Variants in KYAT1 observed in about 807,000 individuals in gnomAD.
KYAT1 encodes the protein kynurenine--oxoglutarate transaminase 1.
Under a neutral mutation model 52.4 loss-of-function variants are expected in KYAT1, and 47 were observed. That is an observed-to-expected ratio of 0.90 (90% CI 0.71 to 1.14). KYAT1 has a LOEUF of 1.14. Ranked by LOEUF, KYAT1 falls within the 50% of genes most tolerant of loss-of-function variation. The pLI, the probability that KYAT1 is intolerant of heterozygous loss-of-function variation, is 0.00. For synonymous variants in KYAT1, 212 were observed against 209.6 expected, an observed-to-expected ratio of 1.01 and a Z score of -0.10; for missense variants, 480 against 557.9, an observed-to-expected ratio of 0.86 and a Z score of 1.41.
intron 1 of KYAT1, among the ~76,000 whole-genome samples, chr9:128,880,732 G>A (rs1838723770): frequency 6.6e-6 from 1 of 151,882 alleles, no homozygotes; most frequent in South Asian, 2.1e-4. Context: ...GTGAACCACC[G>A]CGCCCGGCCC....
chr9:128,841,468 C>G (rs540105099), intron 3 of KYAT1, among the ~76,000 whole-genome samples: 1 of 151,754 alleles, frequency 6.6e-6, no homozygotes, highest in African/African-American at 2.4e-5. Context: ...TTGCAGTGAG[C>G]CGAGATCGTG....
intron 5 of KYAT1, 25 bp from the exon 6 acceptor site, chr9:128,837,838 G>C: frequency 6.2e-7 from 1 of 1,613,046 alleles, no homozygotes; most frequent in Non-Finnish European, 8.5e-7. Flanking sequence ...GGCATGGGGT[G>C]GTACCACTTA....
intron 2 of KYAT1, among the ~76,000 whole-genome samples, chr9:128,843,906 G>A (rs558263844): frequency 6.6e-6 from 1 of 152,354 alleles, no homozygotes; most frequent in Non-Finnish European, 1.5e-5. Flanking sequence ...TGGCCTGTGA[G>A]GCACATCTTG....
intron 1 of KYAT1, among the ~76,000 whole-genome samples, chr9:128,881,108 T>C (rs1838805526): frequency 6.6e-6 from 1 of 152,052 alleles, no homozygotes; most frequent in South Asian, 2.1e-4. Context: ...TTAGACGGAG[T>C]CTCGCTCTGT....
rs758524647 is a variant in KYAT1 at position 128,833,667 on chromosome 9, A to G, written c.1210-24T>C. 2.5e-6 allele frequency: 4 copies of G among 1,614,006 alleles called. No individual in the cohort carries two copies. In the Admixed American group the frequency reaches 6.7e-5, roughly 27 times the overall value. On this transcript the variant is annotated intron_variant, in intron 12 of 12. Coordinates refer to ENST00000302586, the MANE Select transcript of KYAT1 (RefSeq NM_004059.5). ...TCCTGCGCCAGCACAGATTAGTCCT[A>G]CACTCTCCCCATGTGCCCAGCCGGC...
intron 3 of KYAT1, 24 bp from the exon 4 acceptor site, chr9:128,838,391 T>C: frequency 6.2e-7 from 1 of 1,613,806 alleles, no homozygotes; most frequent in Non-Finnish European, 8.5e-7. Flanking sequence ...AGGGGTTAAC[T>C]GTCCAGCTCA....
At chr9:128,880,690 C>T (rs1037040649) in intron 1 of KYAT1, among the ~76,000 whole-genome samples, 1 of 152,142 alleles carries the variant, frequency 6.6e-6, no homozygotes, top group Non-Finnish European at 1.5e-5. Context: ...GATCCGCCCG[C>T]CTCAGCCTCC....
chr9:128,847,631 C>T, intron 1 of KYAT1: 1 of 625,640 alleles, frequency 1.6e-6, no homozygotes, highest in South Asian at 1.9e-5. Context: ...ACTTGGGTCC[C>T]CCACACACAG....
At chr9:128,847,918 A>G (rs1833370981) in intron 1 of KYAT1, among the ~76,000 whole-genome samples, 1 of 152,152 alleles carries the variant, frequency 6.6e-6, no homozygotes, top group Non-Finnish European at 1.5e-5. Context: ...CACATACACC[A>G]CCTGCAAATT....
intron 3 of KYAT1, 32 bp downstream of exon 3, chr9:128,842,622 C>T: frequency 6.2e-7 from 1 of 1,604,760 alleles, no homozygotes; most frequent in Non-Finnish European, 8.5e-7. Flanking sequence ...CCTTCCTCCC[C>T]CAGTGCCTCC....
chr9:128,882,497 T>G (rs1260176817), upstream of KYAT1: 1 of 387,148 alleles, frequency 2.6e-6, no homozygotes, highest in Non-Finnish European at 4.6e-6. Context: ...CCCCTGTGCC[T>G]CCTTGTGCTT....
chr9:128,848,559 T>C (rs1348438695), intron 1 of KYAT1, among the ~76,000 whole-genome samples: 1 of 152,148 alleles, frequency 6.6e-6, no homozygotes, highest in African/African-American at 2.4e-5. Flanking sequence ...GGCTCACGCC[T>C]GTAATCCCAG....
chr9:128,835,341 C>T lies in KYAT1; in HGVS notation c.1104G>A (p.Lys368=), dbSNP rs775199075. 5 of 1,613,894 alleles carry T rather than the reference C, an allele frequency of 3.1e-6. No individual in the cohort carries two copies. The highest frequency in any genetic ancestry group is 8.5e-7 in the Non-Finnish European group (1 of 1,179,932). Residue 368 remains lysine (K), a synonymous_variant, in exon 11 of 13, where the codon AAG becomes AAA. Transcript: ENST00000302586. ...VDEPYDRRFV[K]WMIKNKGLVA... is the part of the protein sequence containing the mutation. ...AGCCCACCTTGTTCTTGATCATCCACTTGACGAAGCGTCTGTCATAGGGCT... is the reference window on the plus strand; with the variant it reads ...AGCCCACCTTGTTCTTGATCATCCATTTGACGAAGCGTCTGTCATAGGGCT...
chr9:128,876,503 C>T (rs1469452185), intron 1 of KYAT1, among the ~76,000 whole-genome samples: 1 of 150,878 alleles, frequency 6.6e-6, no homozygotes, highest in Admixed American at 6.6e-5. Context: ...CTGGAAGCTC[C>T]ACCTCCCGGG....
At position 128,845,367 on chromosome 9, in the gene KYAT1, G is replaced by C. The variant is rs368511136; in HGVS notation, c.39C>G (p.Ile13Met). The change falls in exon 2 of 13, where the codon ATC (isoleucine) becomes ATG (methionine). Residue 13 changes from isoleucine to methionine, a missense_variant. Coordinates refer to ENST00000302586, the MANE Select transcript of KYAT1 (RefSeq NM_004059.5). ...AGCTGGCTCACCAGGGGTTGTAGTC[G>C]ATCCCGTCTAGCCTTCGGGCCTGCA... ...KQLQARRLDG[I>M]DYNPWVEFVK... is the part of the protein sequence containing the mutation. 1.2e-6 allele frequency: 2 copies of C among 1,613,760 alleles called. No homozygotes were observed. The highest frequency in any genetic ancestry group is 1.3e-5 in the African/African-American group (1 of 74,924).
chr9:128,870,359 A>C (rs1326644183), intron 1 of KYAT1, among the ~76,000 whole-genome samples: 3 of 152,212 alleles, frequency 2.0e-5, no homozygotes, highest in Non-Finnish European at 4.4e-5. Context: ...AAAATATATT[A>C]AGTGAGGCCA....
At chr9:128,874,814 T>G (rs1461645310) in intron 1 of KYAT1, among the ~76,000 whole-genome samples, 1 of 146,840 alleles carries the variant, frequency 6.8e-6, no homozygotes, top group Admixed American at 7.0e-5. Flanking sequence ...AATCTCTGCC[T>G]CCCAGGTTCA....
chr9:128,875,025 C>T (rs963272817), intron 1 of KYAT1, among the ~76,000 whole-genome samples: 8 of 151,906 alleles, frequency 5.3e-5, no homozygotes, highest in African/African-American at 1.9e-4. Flanking sequence ...GCGCTCAGCC[C>T]AGGGAGTTCC....
intron 3 of KYAT1, chr9:128,842,175 A>G (rs573260756): frequency 9.4e-5 from 25 of 267,344 alleles, no homozygotes; most frequent in African/African-American, 5.2e-4. Context: ...CCTGGATAAC[A>G]GAGTGAGACC....
Sources: gnomAD v4.1 joint callset for allele counts (sites outside exome capture counted in the v4.1 genomes callset) on GRCh38, gnomAD v4.1.1 for gene constraint, MANE v1.5 for transcripts, NCBI Gene and HGNC (gene_info 2026-07-23, HGNC 2026-07-21) for gene names.